CSMD1: variants seen among roughly 807,000 people sequenced by gnomAD.
CSMD1 encodes the protein CUB and sushi domain-containing protein 1.
Under a neutral mutation model 417.5 loss-of-function variants are expected in CSMD1, and 213 were observed. That is an observed-to-expected ratio of 0.51 (90% CI 0.46 to 0.57). The LOEUF (loss-of-function observed/expected upper bound fraction) is 0.57. CSMD1 is among the 20% of genes least tolerant of loss of function. The pLI is 0.00. For missense variants in CSMD1, 6,923 were observed against 4,529.7 expected (o/e 1.53, Z -15.17); for synonymous variants, 2,862 against 1,736.8 (o/e 1.65, Z -16.11).
At chr8:3,576,268 AAATAATAATAATAAT>A (rs60673988) in intron 9 of CSMD1, among the ~76,000 whole-genome samples, 101 of 147,704 alleles carry the variant, frequency 6.8e-4, no homozygotes, top group East Asian at 4.1e-3. Flanking sequence ...ATGCATGTCA[AAATAATAATAATAAT>A]AATAATAATA....
chr8:3,524,540 A>C (rs1407715315), intron 10 of CSMD1, among the ~76,000 whole-genome samples: 1 of 141,534 alleles, frequency 7.1e-6, no homozygotes, highest in African/African-American at 2.7e-5. Flanking sequence ...CGCACACACA[A>C]GCACACACAT....
chr8:3,891,645 T>A (rs1228678734), intron 5 of CSMD1, among the ~76,000 whole-genome samples: 2 of 151,578 alleles, frequency 1.3e-5, no homozygotes, highest in Non-Finnish European at 2.9e-5. Context: ...ATCACACCAC[T>A]GCACTAGAGC....
chr8:4,440,274 A>G (rs1484987817), intron 2 of CSMD1, among the ~76,000 whole-genome samples: 1 of 152,198 alleles, frequency 6.6e-6, no homozygotes, highest in African/African-American at 2.4e-5. Flanking sequence ...TAAGATGCTC[A>G]CAGCATTGGT....
intron 5 of CSMD1, among the ~76,000 whole-genome samples, chr8:3,926,105 ACAC>A (rs1809691342): frequency 1.6e-5 from 1 of 64,324 alleles, no homozygotes; most frequent in Non-Finnish European, 3.3e-5. Context: ...ACACACACAC[ACAC>A]ACACACACAC....
At chr8:4,280,855 C>T (rs1796743732) in intron 3 of CSMD1, among the ~76,000 whole-genome samples, 1 of 152,148 alleles carries the variant, frequency 6.6e-6, no homozygotes, top group Non-Finnish European at 1.5e-5. Context: ...TCTTCTACTT[C>T]CTGTAAACAT....
intron 2 of CSMD1, among the ~76,000 whole-genome samples, chr8:4,459,337 A>G (rs1057445181): frequency 2.0e-5 from 3 of 152,228 alleles, no homozygotes; most frequent in Non-Finnish European, 4.4e-5. Flanking sequence ...GCAAACCAAG[A>G]CAATCAAGCT....
chr8:4,355,768 G>A (rs1285032210), intron 3 of CSMD1, among the ~76,000 whole-genome samples: 1 of 152,168 alleles, frequency 6.6e-6, no homozygotes, highest in Non-Finnish European at 1.5e-5. Flanking sequence ...TTTCTCCAGT[G>A]TCATTCATGG....
chr8:4,254,232 A>T (rs974244599), intron 3 of CSMD1, among the ~76,000 whole-genome samples: 1 of 151,966 alleles, frequency 6.6e-6, no homozygotes. Flanking sequence ...TTTTATCTTT[A>T]GCTTTCCCTC....
At chr8:4,520,167 G>T (rs940788945) in intron 2 of CSMD1, among the ~76,000 whole-genome samples, 1 of 152,042 alleles carries the variant, frequency 6.6e-6, no homozygotes, top group African/African-American at 2.4e-5. Flanking sequence ...AGTAAGCTTG[G>T]CTCTGTTTCC....
intron 10 of CSMD1, among the ~76,000 whole-genome samples, chr8:3,562,986 C>G (rs2128220): frequency 0.37 from 56,733 of 151,490 alleles, 11,142 homozygotes; most frequent in African/African-American, 0.51. Context: ...GCCCAAAACT[C>G]TTCACAAGAT....
At chr8:3,273,363 T>C (rs1395840150) in intron 26 of CSMD1, among the ~76,000 whole-genome samples, 3 of 152,168 alleles carry the variant, frequency 2.0e-5, no homozygotes, top group East Asian at 1.9e-4. Flanking sequence ...TTTACATCAA[T>C]GTTCATCAAG....
intron 15 of CSMD1, among the ~76,000 whole-genome samples, chr8:3,405,471 A>T (rs775494544): frequency 7.2e-5 from 11 of 152,202 alleles, no homozygotes; most frequent in Non-Finnish European, 1.3e-4. Context: ...AGTTAACCAT[A>T]AGCAACACTG....
intron 1 of CSMD1, among the ~76,000 whole-genome samples, chr8:4,931,799 T>A (rs12334743): frequency 0.31 from 47,513 of 152,074 alleles, 8,361 homozygotes; most frequent in Non-Finnish European, 0.41. Context: ...AGAAAGACAT[T>A]TGCAAACATT....
intron 5 of CSMD1, among the ~76,000 whole-genome samples, chr8:3,838,959 A>C (rs1319914497): frequency 2.0e-5 from 2 of 102,062 alleles, no homozygotes; most frequent in African/African-American, 8.8e-5. Context: ...AATATCTATA[A>C]ATTAATATTA....
intron 5 of CSMD1, among the ~76,000 whole-genome samples, chr8:3,891,532 A>C (rs1201265769): frequency 1.3e-5 from 2 of 152,170 alleles, no homozygotes; most frequent in South Asian, 4.2e-4. Context: ...CACACACAAA[A>C]AAAAGCCAAT....
At chr8:3,865,581 T>A (rs946210042) in intron 5 of CSMD1, among the ~76,000 whole-genome samples, 5 of 152,042 alleles carry the variant, frequency 3.3e-5, no homozygotes, top group Non-Finnish European at 7.3e-5. Context: ...GCAGGAGAAT[T>A]CAGGTGCCTC....
At chr8:3,271,946 T>G (rs1801888716) in intron 26 of CSMD1, among the ~76,000 whole-genome samples, 1 of 152,176 alleles carries the variant, frequency 6.6e-6, no homozygotes, top group African/African-American at 2.4e-5. Context: ...TAGATCCCAT[T>G]TGTCAATTTT....
intron 1 of CSMD1, among the ~76,000 whole-genome samples, chr8:4,864,776 G>A (rs9644378): frequency 0.89 from 134,298 of 151,384 alleles, 60,478 homozygotes; most frequent in East Asian, 0.96. Flanking sequence ...ATTTTCATAC[G>A]TTAGCTAAAG....
At position 3,766,916 on chromosome 8, in the gene CSMD1, G is replaced by T. The variant is rs538505525; in HGVS notation, c.819-12874C>A. 8.5e-5 allele frequency among the ~76,000 whole-genome samples: 13 copies of T among 152,186 alleles called. No homozygotes were observed. In the South Asian group the frequency reaches 2.7e-3, roughly 32 times the overall value. ...GACGCAGACCTTGTTCAGTCAGCTG[G>T]TAAGATATCCAACGAGTCCGACGGC... On this transcript the variant is annotated intron_variant, in intron 5 of 69. Coordinates refer to ENST00000635120, the MANE Select transcript of CSMD1 (RefSeq NM_033225.6).
Sources: allele counts gnomAD v4.1 joint callset (sites outside exome capture counted in the v4.1 genomes callset), GRCh38; gene constraint gnomAD v4.1.1; transcripts MANE v1.5; gene names NCBI Gene and HGNC (gene_info 2026-07-23, HGNC 2026-07-21).